The following COL21A1 variants were observed in gnomAD, a reference collection of about 807,000 sequenced individuals.
COL21A1 encodes collagen alpha-1(XXI) chain.
In COL21A1, 149 loss-of-function variants were observed where a neutral mutation model predicts 137.9. The observed-to-expected ratio is 1.08, with a 90% confidence interval of 0.95 to 1.24. COL21A1 has a LOEUF of 1.24. Among genes scored for constraint, COL21A1 ranks in the 50% most tolerant of loss-of-function variants. The pLI is 0.00. For synonymous variants in COL21A1, 456 were observed against 391.5 expected (o/e 1.16, Z -1.95); for missense variants, 1,167 against 1,158.4 (o/e 1.01, Z -0.11).
chr6:56,379,131 G>A (rs1177001216), intron 1 of COL21A1, among the ~76,000 whole-genome samples: 4 of 152,168 alleles, frequency 2.6e-5, no homozygotes, highest in South Asian at 2.1e-4. Flanking sequence ...CCCAGACGGC[G>A]AAGACTACAA....
chr6:56,207,340 A>G (rs2152302992), intron 1 of COL21A1, among the ~76,000 whole-genome samples: 1 of 152,324 alleles, frequency 6.6e-6, no homozygotes, highest in East Asian at 1.9e-4. Flanking sequence ...TCGATAAAAT[A>G]TGATATAGGG....
chr6:56,171,176 C>A (rs1178134422), intron 3 of COL21A1, 48 bp from the exon 4 acceptor site: 1 of 1,367,356 alleles, frequency 7.3e-7, no homozygotes, highest in African/African-American at 1.5e-5. Context: ...ACTATTCAAA[C>A]AATAAAAGAA....
chr6:56,321,828 G>A (rs995440581), intron 1 of COL21A1, among the ~76,000 whole-genome samples: 4 of 152,096 alleles, frequency 2.6e-5, no homozygotes, highest in South Asian at 2.1e-4. Flanking sequence ...AGATCTCAAC[G>A]TCACCCATTC....
In COL21A1 at chr6:56,179,673, A is replaced by G; in HGVS notation, c.545T>C (p.Ile182Thr). 1 of 1,613,956 alleles carries G rather than the reference A, an allele frequency of 6.2e-7. No individual in the cohort carries two copies. The highest frequency in any genetic ancestry group is 1.1e-5 in the South Asian group (1 of 91,078). Residue 182 changes from isoleucine (I) to threonine (T), a missense_variant, in exon 3 of 30, where the codon ATT becomes ACT. Physicochemically the swap from Ile to Thr is moderately conservative, Grantham distance 89. Transcript: ENST00000244728. ...SETEDAELRA[I>T]ANKPSSTYVF... The stretch of plus-strand genomic sequence containing the variant: ...ATAAGTAGACGAAGGCTTGTTGGCA[A>G]TAGCTCTAAGTTCGGCATCTTCTGT...
At position 56,299,543 on chromosome 6, in the gene COL21A1, T is replaced by C. The variant is rs752430658; in HGVS notation, c.-39+94428A>G. ...TAATGTGCACTTTTGTTAATATATT[T>C]AATATATTGAGAAAAGTCATTTATA... On this transcript the variant is annotated intron_variant, in intron 1 of 28. Coordinates refer to the COL21A1 transcript ENST00000370819. Among the ~76,000 whole-genome samples the C allele has an allele frequency of 6.6e-5, 10 of 152,098 alleles. No individual in the cohort carries two copies. In the South Asian group the frequency reaches 8.3e-4, roughly 13 times the overall value.
chr6:56,087,060 CCTTTTGTTTT>C (rs1313160153), intron 17 of COL21A1, among the ~76,000 whole-genome samples: 9 of 125,766 alleles, frequency 7.2e-5, no homozygotes, highest in East Asian at 2.4e-4. Flanking sequence ...TGTCCCTTCA[CCTTTTGTTTT>C]GTTTTGTTTT....
intron 1 of COL21A1, among the ~76,000 whole-genome samples, chr6:56,232,062 A>T (rs777928858): frequency 6.6e-6 from 1 of 151,890 alleles, no homozygotes; most frequent in Non-Finnish European, 1.5e-5. Flanking sequence ...ACTATCTGCC[A>T]AGTGGGATGG....
chr6:56,156,474 C>G (rs937093959), intron 10 of COL21A1, among the ~76,000 whole-genome samples: 2 of 152,168 alleles, frequency 1.3e-5, no homozygotes, highest in African/African-American at 4.8e-5. Flanking sequence ...ATGTCTTTCT[C>G]AAGGACCTGA....
At chr6:56,298,550 A>C (rs1409219424) in intron 1 of COL21A1, among the ~76,000 whole-genome samples, 1 of 152,072 alleles carries the variant, frequency 6.6e-6, no homozygotes, top group Admixed American at 6.6e-5. Flanking sequence ...ATGATCTAAA[A>C]ATAGTAATAA....
intron 1 of COL21A1, among the ~76,000 whole-genome samples, chr6:56,241,026 A>G (rs1186237341): frequency 6.6e-6 from 1 of 152,052 alleles, no homozygotes; most frequent in Non-Finnish European, 1.5e-5. Flanking sequence ...CTCCCTCCCC[A>G]TTCCATAGGC....
chr6:56,314,663 A>G (rs969772358), intron 1 of COL21A1, among the ~76,000 whole-genome samples: 7 of 152,212 alleles, frequency 4.6e-5, no homozygotes, highest in African/African-American at 1.7e-4. Flanking sequence ...AAAAGCTTCT[A>G]AAGTTCAAAA....
chr6:56,360,092 C>T (rs1765930641), intron 1 of COL21A1, among the ~76,000 whole-genome samples: 2 of 152,140 alleles, frequency 1.3e-5, no homozygotes, highest in South Asian at 2.1e-4. Flanking sequence ...TTAAATCATT[C>T]TCCTGGAATT....
chr6:56,095,756 T>G (rs1582319086), intron 17 of COL21A1, among the ~76,000 whole-genome samples: 1 of 152,178 alleles, frequency 6.6e-6, no homozygotes, highest in Admixed American at 6.5e-5. Context: ...CATCCAGAAT[T>G]TGGCCAAGAG....
intron 12 of COL21A1, among the ~76,000 whole-genome samples, chr6:56,134,200 C>T (rs987407026): frequency 1.6e-4 from 25 of 152,190 alleles, no homozygotes; most frequent in African/African-American, 5.8e-4. Flanking sequence ...CAGAGCTGCC[C>T]AAGACCATGG....
intron 1 of COL21A1, among the ~76,000 whole-genome samples, chr6:56,200,291 T>C (rs1190896321): frequency 6.6e-6 from 1 of 152,112 alleles, no homozygotes; most frequent in Non-Finnish European, 1.5e-5. Context: ...TAAGCATGGG[T>C]GCATCATGAT....
chr6:56,064,114 G>C (rs1766036413), intron 24 of COL21A1, among the ~76,000 whole-genome samples: 1 of 152,096 alleles, frequency 6.6e-6, no homozygotes, highest in Non-Finnish European at 1.5e-5. Flanking sequence ...TCTCAGGATA[G>C]CATTTTAATA....
Position 56,060,423 on chromosome 6 carries a change from A to T in COL21A1, c.2408-205T>A, listed in dbSNP as rs904168178. On this transcript the variant is annotated intron_variant, in intron 27 of 29. Coordinates refer to ENST00000244728, the MANE Select transcript of COL21A1 (RefSeq NM_030820.4). Reference sequence around the variant, plus strand: ...TAATTTTATTAGAGCAATTGCTTAAAATAGGGGAAAAAGTGAAAGTGCCCC... The same window carrying T: ...TAATTTTATTAGAGCAATTGCTTAATATAGGGGAAAAAGTGAAAGTGCCCC... 3.4e-5 allele frequency: 18 copies of T among 526,956 alleles called. 1 individual carries two copies. Among genetic ancestry groups the T allele is most frequent in the Middle Eastern group, 4.8e-4 (1 of 2,068 alleles). 32.6% of individuals were successfully genotyped at this position (526,956 alleles called of 1,614,324 possible).
At chr6:56,098,364 A>AATATATAAATATATATAAAT (rs1769848139) in intron 17 of COL21A1, among the ~76,000 whole-genome samples, 1 of 25,374 alleles carries the variant, frequency 3.9e-5, no homozygotes, top group African/African-American at 2.5e-4. Flanking sequence ...TATATATATG[A>AATATATAAATATATATAAAT]ATATATATAA....
intron 1 of COL21A1, among the ~76,000 whole-genome samples, chr6:56,341,255 C>G (rs144664021): frequency 0.011 from 1,665 of 152,054 alleles, 31 homozygotes; most frequent in African/African-American, 0.037. Context: ...AACAGAAAAT[C>G]CAAGAAATTT....
Sources: allele counts gnomAD v4.1 joint callset (sites outside exome capture counted in the v4.1 genomes callset), GRCh38; gene constraint gnomAD v4.1.1; transcripts MANE v1.5; gene names NCBI Gene and HGNC (gene_info 2026-07-23, HGNC 2026-07-21).